Variants in ANXA2R observed in about 807,000 individuals in gnomAD.
The protein encoded by ANXA2R is annexin-2 receptor.
For missense variants in ANXA2R, 244 were observed against 241.5 expected (o/e 1.01, Z -0.07); for synonymous variants, 93 against 93.6 (o/e 0.99, Z 0.04).
At chr5:43,040,398 G>A, upstream of ANXA2R, 1 of 210,224 alleles carries the variant, frequency 4.8e-6, no homozygotes, top group Non-Finnish European at 1.1e-5. Flanking sequence ...GAGCGTTGCT[G>A]CCACCGGAAA....
chr5:43,039,474 C>A lies in ANXA2R; in HGVS notation c.573G>T (p.Lys191Asn). 6.4e-7 allele frequency: 1 copy of A among 1,553,724 alleles called. No homozygotes were observed. Among genetic ancestry groups the A allele is most frequent in the East Asian group, 2.3e-5 (1 of 44,386 alleles). ...AGCCTTCTGCTGCTATCTAAGGCTG[C>A]TTAGCTCCACAGATCCGTGAACAGC... Reference protein sequence around the residue: ...WACCSRICGAKQP With the variant: ...WACCSRICGANQP The change falls in exon 1 of 1, where the codon AAG becomes AAT. Residue 191 changes from lysine to asparagine, a missense_variant. Physicochemically the swap from Lys to Asn is moderately conservative, Grantham distance 94. Coordinates refer to ENST00000616064, the MANE Select transcript of ANXA2R (RefSeq NM_001014279.3).
In ANXA2R at chr5:43,040,160, T is replaced by A; in HGVS notation, c.-114A>T. On this transcript the variant is annotated 5_prime_UTR_variant, in exon 1 of 1. Transcript: ENST00000616064. ...CCGTGGGCGGAGGCCAGTCAGATAT[T>A]AAGAAACTCAGTAGTAACAAATGCA... 2.1e-6 allele frequency: 2 copies of A among 932,148 alleles called. No homozygotes were observed. The highest frequency in any genetic ancestry group is 3.2e-6 in the Non-Finnish European group (2 of 627,972). The allele number at this position is 932,148 out of a possible 1,614,324, so 57.7% of individuals were successfully genotyped here.
At chr5:43,041,385 A>C (rs554516646), upstream of ANXA2R, 1 of 152,298 alleles carries the variant, frequency 6.6e-6, no homozygotes. Context: ...TCCACGGTTA[A>C]ACGTGTTTAG....
chr5:43,042,548 C>G (rs1222135468), upstream of ANXA2R: 1 of 152,736 alleles, frequency 6.5e-6, no homozygotes, highest in African/African-American at 2.4e-5. This position sits in a 1 kb window ranked among gnomAD's most constrained non-coding sequence, Gnocchi z 5.6. Flanking sequence ...GGCGAAAGAG[C>G]CAACGGAAAC....
upstream of ANXA2R, chr5:43,041,669 T>C (rs998815868): frequency 6.7e-6 from 1 of 150,226 alleles, no homozygotes; most frequent in Non-Finnish European, 1.5e-5. Context: ...AAGCATTCGC[T>C]GGTACCCAGA....
chr5:43,042,666 G>A (rs955942205), upstream of ANXA2R: 2 of 152,826 alleles, frequency 1.3e-5, no homozygotes, highest in African/African-American at 4.8e-5. The surrounding 1 kb of genome is among the most constrained non-coding windows in gnomAD (Gnocchi z 5.6). Flanking sequence ...GACACAAACA[G>A]AAAAGTGTCT....
chr5:43,041,215 AT>A (rs1274526550), upstream of ANXA2R: 1 of 152,228 alleles, frequency 6.6e-6, no homozygotes, highest in Middle Eastern at 3.2e-3. Flanking sequence ...CACAAAAATA[AT>A]TTTAAGGTAA....
chr5:43,039,568 G>C lies in ANXA2R; in HGVS notation c.479C>G (p.Pro160Arg), dbSNP rs776772505. 1 of 1,613,798 alleles carries C rather than the reference G, an allele frequency of 6.2e-7. No homozygotes were observed. Among genetic ancestry groups the C allele is most frequent in the Non-Finnish European group, 8.5e-7 (1 of 1,179,888 alleles). The part of the protein sequence containing the change: ...PPALQPWRHL[P>R]GFSDCLEWIL... ...CCACTCCAGGCAGTCTGAGAAACCC[G>C]GGAGGTGGCGCCACGGCTGGAGGGC... The change falls in exon 1 of 1, where the codon CCG becomes CGG. Residue 160 changes from proline to arginine, a missense_variant. Physicochemically the swap from Pro to Arg is moderately radical, Grantham distance 103 (BLOSUM62 -2). Coordinates refer to ENST00000616064, the MANE Select transcript of ANXA2R (RefSeq NM_001014279.3).
In ANXA2R at chr5:43,039,721, T is replaced by G. The variant is rs1381670622; in HGVS notation, c.326A>C (p.Gln109Pro). Reference sequence around the variant, plus strand: ...CCTGAGTCTGTCGGGTTCCTCTGCCTGCCCCACCTCTTCTACGGGTGCCTC... The same window carrying G: ...CCTGAGTCTGTCGGGTTCCTCTGCCGGCCCCACCTCTTCTACGGGTGCCTC... ...QQEAPVEEVGQAEEPDRLRLQ... is the reference protein window; with the variant it reads ...QQEAPVEEVGPAEEPDRLRLQ... The change falls in exon 1 of 1, where the codon CAG becomes CCG. Residue 109 changes from glutamine to proline, a missense_variant. Coordinates refer to ENST00000616064, the MANE Select transcript of ANXA2R (RefSeq NM_001014279.3). The G allele has an allele frequency of 6.2e-7, 1 of 1,614,176 alleles. No homozygotes were observed. The highest frequency in any genetic ancestry group is 8.5e-7 in the Non-Finnish European group (1 of 1,179,992).
At position 43,039,869 on chromosome 5, in the gene ANXA2R, G is replaced by A. The variant is rs749578629; in HGVS notation, c.178C>T (p.Pro60Ser). Residue 60 changes from proline to serine, a missense_variant, in exon 1 of 1, where the codon CCT becomes TCT. Transcript: ENST00000616064. ...TAGACTCCGGGCAGCCGCCAGCAAGGGCTGGAAAGCAGTCCCAAATCACAG... is the reference window on the plus strand; with the variant it reads ...TAGACTCCGGGCAGCCGCCAGCAAGAGCTGGAAAGCAGTCCCAAATCACAG... ...DSCDLGLLSS[P>S]CWRLPGVYWQ... is the part of the protein sequence containing the mutation. The A allele has an allele frequency of 6.2e-7, 1 of 1,614,254 alleles. No individual in the cohort carries two copies. The highest frequency in any genetic ancestry group is 8.5e-7 in the Non-Finnish European group (1 of 1,180,050).
Position 43,040,236 on chromosome 5 carries a change from A to G in ANXA2R, c.-190T>C. The stretch of plus-strand genomic sequence containing the variant: ...CGATAACATTTTAGAGAGTACATAG[A>G]ACCAAAACGAACCGTAATTCCGACA... On this transcript the variant is annotated 5_prime_UTR_variant, in exon 1 of 1. Coordinates refer to ENST00000616064, the MANE Select transcript of ANXA2R (RefSeq NM_001014279.3). 1 of 520,942 alleles carries G rather than the reference A, an allele frequency of 1.9e-6. No individual in the cohort carries two copies. The allele number at this position is 520,942 out of a possible 1,614,324, so 32.3% of individuals were successfully genotyped here.
In ANXA2R at chr5:43,039,890, C is replaced by T. The variant is rs773819988; in HGVS notation, c.157G>A (p.Asp53Asn). 8.1e-6 allele frequency: 13 copies of T among 1,614,116 alleles called. No homozygotes were observed. Among genetic ancestry groups the T allele is most frequent in the Non-Finnish European group, 4.2e-6 (5 of 1,180,038 alleles). Residue 53 changes from aspartate (D) to asparagine (N), a missense_variant, in exon 1 of 1, where the codon GAT (aspartate) becomes AAT (asparagine). By Grantham distance (23) the Asp-to-Asn change is conservative. Transcript: ENST00000616064. Reference protein sequence around the residue: ...VLGEYSLDSCDLGLLSSPCWR... With the variant: ...VLGEYSLDSCNLGLLSSPCWR... ...CAAGGGCTGGAAAGCAGTCCCAAAT[C>T]ACAGCTGTCCAGTGAGTACTCTCCT...
rs758765413 is a variant in ANXA2R, at chr5:43,039,510, T to A, written c.537A>T (p.Val179=). 6.2e-7 allele frequency: 1 copy of A among 1,604,584 alleles called. No homozygotes were observed. Among genetic ancestry groups the A allele is most frequent in the South Asian group, 1.1e-5 (1 of 89,354 alleles). ...ILRVGFAAFS[V]LWACCSRICG... is the part of the protein sequence containing the mutation. ...AGATCCGTGAACAGCACGCCCAGAG[T>A]ACAGAGAACGCGGCAAAACCAACGC... The change falls in exon 1 of 1, where the codon GTA becomes GTT. Residue 179 remains valine (V), a synonymous_variant. Transcript: ENST00000616064.
rs1311254289 is a variant in ANXA2R at position 43,040,020 on chromosome 5, C to A, written c.27G>T (p.Val9=). MEQHFLGC[V]KRAWDSAEVA... ...CCTCTGCGGAATCCCAAGCCCGCTT[C>A]ACACAGCCAAGAAAATGTTGCTCCA... is the stretch of plus-strand genomic sequence containing the variant. Residue 9 remains valine, a synonymous_variant, in exon 1 of 1, where the codon GTG becomes GTT. Coordinates refer to ENST00000616064, the MANE Select transcript of ANXA2R (RefSeq NM_001014279.3). 1.2e-6 allele frequency: 2 copies of A among 1,610,452 alleles called. No individual in the cohort carries two copies. Among genetic ancestry groups the A allele is most frequent in the Admixed American group, 3.4e-5 (2 of 59,424 alleles).
chr5:43,040,419 A>G (rs1025479705), upstream of ANXA2R: 10 of 201,126 alleles, frequency 5.0e-5, no homozygotes, highest in Non-Finnish European at 7.8e-5. Context: ...ACTGTCTGCT[A>G]GGGCTCTGCC....
upstream of ANXA2R, chr5:43,041,493 G>C (rs1742193775): frequency 6.7e-6 from 1 of 149,570 alleles, no homozygotes. Flanking sequence ...AAGGGAGCTT[G>C]GTAAAACTGA....
chr5:43,039,687 C>G lies in ANXA2R; in HGVS notation c.360G>C (p.Gln120His). 2 of 1,613,652 alleles carry G rather than the reference C, an allele frequency of 1.2e-6. No individual in the cohort carries two copies. Among genetic ancestry groups the G allele is most frequent in the African/African-American group, 2.7e-5 (2 of 75,050 alleles). ...AEEPDRLRLQ[Q>H]LPWSSPLHPW... ...GATGGAGAGGACTGCTCCAGGGAAG[C>G]TGCTGGAGCCTGAGTCTGTCGGGTT... The change falls in exon 1 of 1, where the codon CAG becomes CAC. Residue 120 changes from glutamine (Q) to histidine (H), a missense_variant. Gln to His is a conservative substitution (Grantham distance 24). Coordinates refer to ENST00000616064, the MANE Select transcript of ANXA2R (RefSeq NM_001014279.3).
Position 43,040,115 on chromosome 5 carries a change from G to T in ANXA2R, c.-69C>A. On this transcript the variant is annotated 5_prime_UTR_variant, in exon 1 of 1. An upstream open reading frame in the 5' UTR gains an earlier in-frame stop. Coordinates refer to ENST00000616064, the MANE Select transcript of ANXA2R (RefSeq NM_001014279.3). ...AGTCTCTGCACTACCATCAGCCTGAGTATTTATGCTCTGCAGAGCCCGTGG... is the reference window on the plus strand; with the variant it reads ...AGTCTCTGCACTACCATCAGCCTGATTATTTATGCTCTGCAGAGCCCGTGG... 1 of 1,448,508 alleles carries T rather than the reference G, an allele frequency of 6.9e-7. No homozygotes were observed. Among genetic ancestry groups the T allele is most frequent in the Non-Finnish European group, 9.3e-7 (1 of 1,071,300 alleles). 89.7% of individuals were successfully genotyped at this position (1,448,508 alleles called of 1,614,324 possible).
At position 43,039,469 on chromosome 5, in the gene ANXA2R, G is replaced by C; in HGVS notation, c.578C>G (p.Pro193Arg). The stretch of plus-strand genomic sequence containing the variant: ...CAAAAAGCCTTCTGCTGCTATCTAA[G>C]GCTGCTTAGCTCCACAGATCCGTGA... ...CCSRICGAKQ[P>R] Residue 193 changes from proline (P) to arginine (R), a missense_variant, in exon 1 of 1, where the codon CCT becomes CGT. By Grantham distance (103) the Pro-to-Arg change is moderately radical. Transcript: ENST00000616064. 6.5e-7 allele frequency: 1 copy of C among 1,545,038 alleles called. No individual in the cohort carries two copies. The highest frequency in any genetic ancestry group is 2.3e-5 in the East Asian group (1 of 44,272).
Sources: gnomAD v4.1 joint callset for allele counts on GRCh38, gnomAD v4.1.1 for gene constraint, Gnocchi (gnomAD v3.1) non-coding constraint, MANE v1.5 for transcripts, NCBI Gene and HGNC (gene_info 2026-07-23, HGNC 2026-07-21) for gene names.